The following RGS5 variants were observed in gnomAD, a reference collection of about 807,000 sequenced individuals.
The protein encoded by RGS5 is regulator of G protein signaling 5.
RGS5 carries 20 observed loss-of-function variants against 18.9 expected under a neutral mutation model. That is an observed-to-expected ratio of 1.06 (90% CI 0.74 to 1.54). The LOEUF (loss-of-function observed/expected upper bound fraction) is 1.54, where lower values mean the gene tolerates loss of function less well. Among genes scored for constraint, RGS5 ranks in the 40% most tolerant of loss-of-function variants. The pLI is 0.00. For missense variants in RGS5, 201 were observed against 211.8 expected, an observed-to-expected ratio of 0.95 and a Z score of 0.32; for synonymous variants, 57 against 76.2, an observed-to-expected ratio of 0.75 and a Z score of 1.31.
At chr1:163,178,233 C>T (rs1459938681) in intron 1 of RGS5, among the ~76,000 whole-genome samples, 2 of 152,140 alleles carry the variant, frequency 1.3e-5, no homozygotes, top group Non-Finnish European at 2.9e-5. Context: ...ATAGCTTGAA[C>T]TTGGGAGATG....
intron 2 of RGS5, chr1:163,245,154 T>C (rs1205341892): frequency 6.6e-6 from 1 of 152,244 alleles, no homozygotes; most frequent in East Asian, 1.9e-4. Context: ...TATTCATAGC[T>C]TTAAAATTCT....
intron 2 of RGS5, among the ~76,000 whole-genome samples, chr1:163,253,610 A>G (rs1648178352): frequency 7.0e-6 from 1 of 142,154 alleles, no homozygotes; most frequent in African/African-American, 2.7e-5. Flanking sequence ...GCACCTGGCC[A>G]AGACCATTTT....
chr1:163,228,638 C>T (rs1175860376), intron 2 of RGS5, among the ~76,000 whole-genome samples: 1 of 152,216 alleles, frequency 6.6e-6, no homozygotes, highest in East Asian at 1.9e-4. Context: ...TAAATTTCTG[C>T]AGCAGACTTG....
intron 3 of RGS5, among the ~76,000 whole-genome samples, chr1:163,154,023 G>A (rs1189443389): frequency 2.0e-5 from 3 of 152,150 alleles, no homozygotes; most frequent in Non-Finnish European, 4.4e-5. Context: ...CCCCAGGGCA[G>A]AAGGAAGGAT....
At chr1:163,203,067 G>T, upstream of RGS5, 1 of 508,570 alleles carries the variant, frequency 2.0e-6, no homozygotes, top group Non-Finnish European at 3.6e-6. Flanking sequence ...CTCTGCTACA[G>T]GCACTACTGT....
At chr1:163,210,674 T>C (rs1188902174) in intron 1 of RGS5, 1 of 152,236 alleles carries the variant, frequency 6.6e-6, no homozygotes, top group African/African-American at 2.4e-5. Context: ...TAAAAGTGTT[T>C]ATAACAGTGC....
intron 3 of RGS5, 128 bp downstream of exon 3, chr1:163,161,787 T>C (rs1657807624): frequency 7.3e-6 from 5 of 680,436 alleles, no homozygotes; most frequent in South Asian, 5.1e-5. Context: ...CCTTCCCTTA[T>C]TGATATCACC....
At chr1:163,309,913 T>C (rs1159765036) in intron 1 of RGS5, among the ~76,000 whole-genome samples, 1 of 152,194 alleles carries the variant, frequency 6.6e-6, no homozygotes, top group East Asian at 1.9e-4. Context: ...AGAACAGATG[T>C]TGTATTAGCA....
At chr1:163,149,716 C>T (rs547401177) in intron 4 of RGS5, among the ~76,000 whole-genome samples, 1 of 152,264 alleles carries the variant, frequency 6.6e-6, no homozygotes, top group African/African-American at 2.4e-5. Flanking sequence ...TTGTATCTCT[C>T]AGTCAGTTTC....
At chr1:163,299,081 G>A (rs1285180802) in intron 2 of RGS5, among the ~76,000 whole-genome samples, 2 of 152,222 alleles carry the variant, frequency 1.3e-5, no homozygotes, top group African/African-American at 4.8e-5. Flanking sequence ...GTATGTTGGG[G>A]GTAGGCACTG....
intron 2 of RGS5, chr1:163,238,997 G>T: frequency 4.6e-6 from 1 of 218,500 alleles, no homozygotes; most frequent in East Asian, 1.2e-4. Context: ...ATAGGTTCCA[G>T]GGAACATGAT....
chr1:163,297,797 A>T (rs960398471), intron 2 of RGS5, among the ~76,000 whole-genome samples: 1 of 152,180 alleles, frequency 6.6e-6, no homozygotes, highest in Non-Finnish European at 1.5e-5. Flanking sequence ...ACAAGAAACA[A>T]AATGAAATAT....
rs539805708 is a variant in RGS5, at chr1:163,194,143, C to A, written c.44+8649G>T. 1.8e-4 allele frequency among the ~76,000 whole-genome samples: 27 copies of A among 152,128 alleles called. No individual in the cohort carries two copies. The East Asian group carries it at 4.2e-3, about 24-fold the overall frequency. On this transcript the variant is annotated intron_variant, in intron 1 of 4. Transcript: ENST00000313961. ...CACCCTTTTTCTTCATAGAATTCACCAAAATAAAACAGAATCACTTTCCAC... is the reference window on the plus strand; with the variant it reads ...CACCCTTTTTCTTCATAGAATTCACAAAAATAAAACAGAATCACTTTCCAC...
upstream of RGS5, among the ~76,000 whole-genome samples, chr1:163,204,061 C>T (rs923532932): frequency 2.6e-5 from 4 of 152,208 alleles, no homozygotes; most frequent in Non-Finnish European, 4.4e-5. Context: ...TCTTTATATA[C>T]CCTTTTTAGG....
At chr1:163,181,201 C>T (rs1373995680) in intron 1 of RGS5, among the ~76,000 whole-genome samples, 1 of 152,114 alleles carries the variant, frequency 6.6e-6, no homozygotes, top group African/African-American at 2.4e-5. Context: ...TCAAACATCA[C>T]TTTCTGCCTT....
intron 1 of RGS5, among the ~76,000 whole-genome samples, chr1:163,215,700 C>T (rs752432246): frequency 3.3e-5 from 5 of 152,110 alleles, no homozygotes; most frequent in African/African-American, 9.7e-5. Flanking sequence ...ATTGAAATCT[C>T]TTCTCCAGTC....
In RGS5 at chr1:163,170,799, G is replaced by GC. The variant is rs539376392; in HGVS notation, c.45-2432dup. On this transcript the variant is annotated intron_variant, in intron 1 of 4. Coordinates refer to ENST00000313961, the MANE Select transcript of RGS5 (RefSeq NM_003617.4). Reference sequence around the variant, plus strand: ...CCCATAGTACCTCAGATCAAGCTCAGCACGGCATTAGGGTAAAAACTGGGA... The same window carrying GC: ...CCCATAGTACCTCAGATCAAGCTCAGCCACGGCATTAGGGTAAAAACTGGGA... 1.6e-3 allele frequency among the ~76,000 whole-genome samples: 243 copies of GC among 152,224 alleles called. 1 individual carries two copies. Among genetic ancestry groups the GC allele is most frequent in the South Asian group, 3.1e-3 (15 of 4,826 alleles).
chr1:163,171,276 C>T lies in RGS5; in HGVS notation c.45-2908G>A, dbSNP rs562398995. 1.1e-4 allele frequency among the ~76,000 whole-genome samples: 16 copies of T among 152,274 alleles called. No homozygotes were observed. The South Asian group carries it at 3.3e-3, about 32-fold the overall frequency. ...TGCATGCAATATTTGTGGCTACCCT[C>T]TGCTGACTAATGTGCAGTATTACAG... On this transcript the variant is annotated intron_variant, in intron 1 of 4. Coordinates refer to ENST00000313961, the MANE Select transcript of RGS5 (RefSeq NM_003617.4).
In RGS5 at chr1:163,145,013, T is replaced by C. The variant is rs979572958; in HGVS notation, c.*2329A>G. ...GATATATGTAGATATATAGATATAA[T>C]GTCACAATATCACTATAAGGCATTC... On this transcript the variant is annotated 3_prime_UTR_variant, in exon 5 of 5. Coordinates refer to ENST00000313961, the MANE Select transcript of RGS5 (RefSeq NM_003617.4). The C allele has an allele frequency of 6.6e-6, 1 of 152,190 alleles. No individual in the cohort carries two copies. Among genetic ancestry groups the C allele is most frequent in the Non-Finnish European group, 1.5e-5 (1 of 68,018 alleles). The allele number at this position is 152,190 out of a possible 1,614,324, so 9.4% of individuals were successfully genotyped here. A position where few individuals can be genotyped will look rare whatever the true frequency, so the allele number is the denominator to read the frequency against.
Sources: allele counts gnomAD v4.1 joint callset (sites outside exome capture counted in the v4.1 genomes callset), GRCh38; gene constraint gnomAD v4.1.1; transcripts MANE v1.5; gene names NCBI Gene and HGNC (gene_info 2026-07-23, HGNC 2026-07-21).